The following PTPRD variants were observed in gnomAD, a reference collection of about 807,000 sequenced individuals.
PTPRD encodes the protein protein tyrosine phosphatase receptor type D, also known as receptor-type tyrosine-protein phosphatase delta.
PTPRD carries 34 observed loss-of-function variants against 214.5 expected under a neutral mutation model. The observed-to-expected ratio is 0.16, with a 90% CI of 0.12 to 0.21. The LOEUF is 0.21. Ranked by LOEUF, PTPRD falls within the 10% of genes least tolerant of loss-of-function variation. The pLI, the probability that PTPRD is intolerant of heterozygous loss-of-function variation, is 1.00. For synonymous variants in PTPRD, 1,128 were observed against 845.7 expected (o/e 1.33, Z -5.79); for missense variants, 2,545 against 2,398.7 (o/e 1.06, Z -1.27).
chr9:9,548,543 C>T (rs946182859), intron 8 of PTPRD, among the ~76,000 whole-genome samples: 4 of 151,616 alleles, frequency 2.6e-5, no homozygotes, highest in South Asian at 4.2e-4. Context: ...GGGCTACAGG[C>T]GTCTGCCACC....
rs2136991097 is a variant in PTPRD, at chr9:8,501,017, C to G, written c.1865G>C (p.Ser622Thr). 6.2e-7 allele frequency: 1 copy of G among 1,613,814 alleles called. No homozygotes were observed. The highest frequency in any genetic ancestry group is 8.5e-7 in the Non-Finnish European group (1 of 1,179,960). The change falls in exon 24 of 46, where the codon AGT (serine) becomes ACT (threonine). Residue 622 changes from serine to threonine, a missense_variant. Ser to Thr is a moderately conservative substitution (Grantham distance 58). Coordinates refer to ENST00000381196, the MANE Select transcript of PTPRD (RefSeq NM_002839.4). ...CCAACTTACCAAAATACTAGTGGAA[C>G]TTGGGCTGGTGCAACTAATGTCTTG... ...PPQDISCTSP[S>T]STSILVSWQP...
chr9:9,976,689 CAAAAAAAAAAAA>C (rs869096131), intron 4 of PTPRD, among the ~76,000 whole-genome samples: 1 of 63,268 alleles, frequency 1.6e-5, no homozygotes, highest in Non-Finnish European at 2.6e-5. Flanking sequence ...ACCCTGCCAC[CAAAAAAAAAAAA>C]AAAAAAAAAA....
At chr9:9,060,026 T>C (rs1222259475) in intron 10 of PTPRD, among the ~76,000 whole-genome samples, 2 of 152,220 alleles carry the variant, frequency 1.3e-5, no homozygotes, top group African/African-American at 4.8e-5. Context: ...AATTTTTGTT[T>C]GTTTGTATGT....
chr9:8,797,627 C>T lies in PTPRD; in HGVS notation c.-103-63681G>A, dbSNP rs182026616. Reference sequence around the variant, plus strand: ...TCTGGAACTGTCTCAAACACTATCACATCTGTGAAGCTCTATCTCATCCAC... The same window carrying T: ...TCTGGAACTGTCTCAAACACTATCATATCTGTGAAGCTCTATCTCATCCAC... On this transcript the variant is annotated intron_variant, in intron 11 of 45. Transcript: ENST00000381196. Among the ~76,000 whole-genome samples, 63 of 152,304 alleles carry T rather than the reference C, an allele frequency of 4.1e-4. No individual in the cohort carries two copies. The East Asian group carries it at 0.01, about 24-fold the overall frequency.
intron 36 of PTPRD, among the ~76,000 whole-genome samples, chr9:8,394,419 G>T (rs1451042896): frequency 6.6e-6 from 1 of 152,138 alleles, no homozygotes; most frequent in Admixed American, 6.6e-5. Context: ...ACATTACACT[G>T]TAGGTAAAGT....
At chr9:8,454,368 T>G (rs2096091960) in intron 33 of PTPRD, among the ~76,000 whole-genome samples, 1 of 152,232 alleles carries the variant, frequency 6.6e-6, no homozygotes, top group South Asian at 2.1e-4. Flanking sequence ...ACTTCGCCTT[T>G]AATCTGTTTT....
At chr9:8,410,731 T>A (rs1045341126) in intron 35 of PTPRD, among the ~76,000 whole-genome samples, 5 of 152,212 alleles carry the variant, frequency 3.3e-5, no homozygotes, top group African/African-American at 1.2e-4. Flanking sequence ...TTCAGATAAG[T>A]GATAAAATGC....
intron 10 of PTPRD, among the ~76,000 whole-genome samples, chr9:9,047,429 G>C (rs1024966789): frequency 6.6e-6 from 1 of 151,934 alleles, no homozygotes; most frequent in African/African-American, 2.4e-5. Flanking sequence ...AACCACAAAG[G>C]AACCAGAATA....
At chr9:9,246,356 T>C (rs1384737262) in intron 9 of PTPRD, among the ~76,000 whole-genome samples, 1 of 152,076 alleles carries the variant, frequency 6.6e-6, no homozygotes, top group African/African-American at 2.4e-5. Context: ...GCTTGACCAC[T>C]TGATATGGAC....
At chr9:9,627,496 A>T (rs1395593481) in intron 7 of PTPRD, among the ~76,000 whole-genome samples, 1 of 152,186 alleles carries the variant, frequency 6.6e-6, no homozygotes, top group Non-Finnish European at 1.5e-5. Context: ...AAGTAACTAC[A>T]TTTCTATAGC....
intron 11 of PTPRD, among the ~76,000 whole-genome samples, chr9:8,794,927 G>A (rs568599008): frequency 1.1e-4 from 17 of 151,682 alleles, no homozygotes; most frequent in African/African-American, 4.1e-4. Flanking sequence ...GTATACAAAG[G>A]AACATAAGTC....
chr9:8,708,313 T>C (rs2098252120), intron 12 of PTPRD, among the ~76,000 whole-genome samples: 1 of 152,098 alleles, frequency 6.6e-6, no homozygotes. Context: ...CCATACACGC[T>C]ACTGGTGGAA....
At chr9:8,588,413 A>T (rs1249251236) in intron 14 of PTPRD, among the ~76,000 whole-genome samples, 1 of 152,224 alleles carries the variant, frequency 6.6e-6, no homozygotes, top group Non-Finnish European at 1.5e-5. Flanking sequence ...TGTGTTTTGG[A>T]AGTTCAAGTC....
intron 11 of PTPRD, among the ~76,000 whole-genome samples, chr9:8,852,306 G>C (rs1474009019): frequency 6.6e-6 from 1 of 152,214 alleles, no homozygotes; most frequent in Non-Finnish European, 1.5e-5. Flanking sequence ...TCAATCTCAT[G>C]CAACTGGCAG....
At chr9:10,176,116 A>G (rs1441989444) in intron 3 of PTPRD, among the ~76,000 whole-genome samples, 1 of 152,010 alleles carries the variant, frequency 6.6e-6, no homozygotes, top group Non-Finnish European at 1.5e-5. Flanking sequence ...TGAGGAGCAT[A>G]AATTGTTACA....
chr9:8,619,230 G>C (rs1003944036), intron 14 of PTPRD, among the ~76,000 whole-genome samples: 2 of 151,776 alleles, frequency 1.3e-5, no homozygotes, highest in East Asian at 1.9e-4. Context: ...CATTCTCTTA[G>C]CATCTTTCAA....
chr9:10,518,684 C>T (rs907405026), intron 2 of PTPRD, among the ~76,000 whole-genome samples: 41 of 152,120 alleles, frequency 2.7e-4, no homozygotes, highest in East Asian at 9.7e-4. Context: ...AGGCGCCCGC[C>T]ACCACACCCG....
intron 27 of PTPRD, among the ~76,000 whole-genome samples, chr9:8,491,966 C>G (rs764255048): frequency 2.6e-5 from 4 of 152,088 alleles, no homozygotes; most frequent in Non-Finnish European, 5.9e-5. Flanking sequence ...GAGGAGAATC[C>G]TTCTGCAATT....
chr9:10,611,597 C>T (rs2080986135), intron 2 of PTPRD, among the ~76,000 whole-genome samples: 1 of 151,970 alleles, frequency 6.6e-6, no homozygotes, highest in Admixed American at 6.6e-5. Flanking sequence ...TGATGTTAGC[C>T]CCAAGAGGAA....
Sources: gnomAD v4.1 joint callset for allele counts (sites outside exome capture counted in the v4.1 genomes callset) on GRCh38, gnomAD v4.1.1 for gene constraint, MANE v1.5 for transcripts, NCBI Gene and HGNC (gene_info 2026-07-23, HGNC 2026-07-21) for gene names.